Variants in ACY1 observed in about 807,000 individuals in gnomAD.
The protein encoded by ACY1 is aminoacylase 1.
A neutral mutation model predicts 53.3 loss-of-function variants in ACY1; 38 were observed. That is an observed-to-expected ratio of 0.71 (90% CI 0.55 to 0.93). The LOEUF (loss-of-function observed/expected upper bound fraction) is 0.93, where lower values mean the gene tolerates loss of function less well. Among genes scored for constraint, ACY1 ranks in the 40% least tolerant of loss-of-function variants. The pLI, the probability that ACY1 is intolerant of heterozygous loss-of-function variation, is 0.00. For missense variants in ACY1, 484 were observed against 540.9 expected (o/e 0.89, Z 1.04); for synonymous variants, 177 against 202.1 (o/e 0.88, Z 1.05).
intron 2 of ACY1, chr3:51,984,861 C>A: frequency 3.6e-6 from 1 of 274,984 alleles, no homozygotes; most frequent in Non-Finnish European, 6.9e-6. Flanking sequence ...AACTTAGTGG[C>A]TGGGAATTGT....
chr3:51,984,877 T>A, intron 2 of ACY1: 1 of 404,160 alleles, frequency 2.5e-6, no homozygotes, highest in Non-Finnish European at 4.6e-6. Context: ...ATTGTGTACA[T>A]GGGTCCAAAT....
chr3:51,988,412 T>G, intron 12 of ACY1, 112 bp from the exon 13 acceptor site: 1 of 927,740 alleles, frequency 1.1e-6, no homozygotes, highest in East Asian at 2.5e-5. Flanking sequence ...TCTGGGTAGG[T>G]GAAGGAGTGG....
intron 4 of ACY1, 59 bp from the exon 5 acceptor site, chr3:51,985,793 C>A: frequency 6.9e-7 from 1 of 1,443,082 alleles, no homozygotes; most frequent in Non-Finnish European, 9.6e-7. Flanking sequence ...CACTGTTGAC[C>A]AGAGTGGATT....
intron 1 of ACY1, 52 bp downstream of exon 1, chr3:51,983,641 C>T (rs938397465): frequency 3.7e-6 from 1 of 269,268 alleles, no homozygotes; most frequent in African/African-American, 2.3e-5. Context: ...GCTTGAAAGC[C>T]GGGCAACTGG....
chr3:51,985,849 C>T lies in ACY1; in HGVS notation c.265-3C>T. 6.2e-7 allele frequency: 1 copy of T among 1,613,102 alleles called. No homozygotes were observed. Among genetic ancestry groups the T allele is most frequent in the South Asian group, 1.1e-5 (1 of 90,746 alleles). ...GGGCCCCTCTTCCCATCCCTGCCCC[C>T]AGGAACATTGGAGTCACGACCCCTT... On this transcript the variant is annotated splice_polypyrimidine_tract_variant and splice_region_variant and intron_variant, in intron 4 of 14. Coordinates refer to ENST00000636358, the MANE Select transcript of ACY1 (RefSeq NM_000666.3).
At chr3:51,986,525 A>G (rs1177643109) in intron 7 of ACY1, 21 bp downstream of exon 7, 3 of 1,614,034 alleles carry the variant, frequency 1.9e-6, no homozygotes, top group Non-Finnish European at 1.7e-6. Flanking sequence ...TGGCAAGCCA[A>G]TGAGCAGCCA....
intron 12 of ACY1, 179 bp downstream of exon 12, chr3:51,987,803 G>A (rs1701128140): frequency 1.5e-6 from 1 of 674,360 alleles, no homozygotes. Flanking sequence ...GGGGAATGCT[G>A]TGGGGAGTAA....
Position 51,986,651 on chromosome 3 carries a change from G to A in ACY1, c.573G>A (p.Arg191=). ...TDAFTVFYSE[R]SPWWVRVTST... is the part of the protein sequence containing the mutation. ...CCTTCACTGTCTTTTATAGTGAGCG[G>A]AGTCCCTGGTGTAAGTATGAGCTTG... is the stretch of plus-strand genomic sequence containing the variant. Residue 191 remains arginine, a synonymous_variant, in exon 8 of 15, where the codon CGG becomes CGA. Transcript: ENST00000636358. 1 of 1,614,014 alleles carries A rather than the reference G, an allele frequency of 6.2e-7. No individual in the cohort carries two copies. Among genetic ancestry groups the A allele is most frequent in the Non-Finnish European group, 8.5e-7 (1 of 1,180,018 alleles).
chr3:51,987,627 A>C lies in ACY1; in HGVS notation c.921+3A>C, dbSNP rs200621975. 9.3e-6 allele frequency: 15 copies of C among 1,613,852 alleles called. No homozygotes were observed. In the East Asian group the frequency reaches 3.3e-4, roughly 36 times the overall value. On this transcript the variant is annotated splice_donor_region_variant and intron_variant, in intron 12 of 14. Coordinates refer to ENST00000636358, the MANE Select transcript of ACY1 (RefSeq NM_000666.3). ...GGGTCACCCTAGAGTTTGCTCAGGT[A>C]TGGACTTGGGACATGTGATGGGAGA...
At chr3:51,988,309 C>G in intron 12 of ACY1, 1 of 632,028 alleles carries the variant, frequency 1.6e-6, no homozygotes, top group Non-Finnish European at 2.9e-6. Context: ...GAAGGATGGA[C>G]AGGAGGTAAG....
At position 51,988,910 on chromosome 3, in the gene ACY1, G is replaced by A. The variant is rs143678651; in HGVS notation, c.1063-1G>A. 55 of 1,614,206 alleles carry A rather than the reference G, an allele frequency of 3.4e-5. No individual in the cohort carries two copies. The East Asian group carries it at 1.2e-3, about 34-fold the overall frequency. ...CTAACGGCTCTTCCTCACCCCTGCA[G>A]GTGGGGGTCCCAGCTCTAGGCTTCT... is the stretch of plus-strand genomic sequence containing the variant. On this transcript the variant is annotated splice_acceptor_variant, in intron 14 of 14. Coordinates refer to ENST00000636358, the MANE Select transcript of ACY1 (RefSeq NM_000666.3). LOFTEE classifies it high-confidence loss of function.
At chr3:51,986,787 C>A in intron 8 of ACY1, 126 bp downstream of exon 8, 1 of 1,347,716 alleles carries the variant, frequency 7.4e-7, no homozygotes, top group Non-Finnish European at 1.0e-6. Flanking sequence ...AGGGCCTCTA[C>A]CTCCCAGCTC....
intron 2 of ACY1, chr3:51,984,487 G>A (rs1239540066): frequency 4.5e-6 from 2 of 441,916 alleles, no homozygotes; most frequent in Admixed American, 6.9e-5. Context: ...AGCCCACTGG[G>A]GCTGGACAAA....
At chr3:51,985,331 C>G (rs778766008) in intron 3 of ACY1, 30 bp from the exon 4 acceptor site, 1 of 1,613,988 alleles carries the variant, frequency 6.2e-7, no homozygotes, top group Non-Finnish European at 8.5e-7. Context: ...TCACCCTGCT[C>G]AGACCACCTA....
At chr3:51,987,111 G>C (rs1364001241) in intron 9 of ACY1, 36 bp from the exon 10 acceptor site, 2 of 1,614,062 alleles carry the variant, frequency 1.2e-6, no homozygotes, top group Non-Finnish European at 1.7e-6. Flanking sequence ...GCTCTATCCT[G>C]AGGCCACTGT....
intron 5 of ACY1, 128 bp from the exon 6 acceptor site, chr3:51,986,127 T>G: frequency 9.0e-7 from 1 of 1,113,146 alleles, no homozygotes; most frequent in Non-Finnish European, 1.3e-6. Context: ...GGCAGGGACT[T>G]TCTGGAGTCC....
intron 12 of ACY1, chr3:51,988,054 C>G (rs1345675145): frequency 6.5e-6 from 2 of 308,552 alleles, no homozygotes; most frequent in East Asian, 1.7e-4. Flanking sequence ...TTAGTAGAGA[C>G]AGTGTTTCAC....
Position 51,986,624 on chromosome 3 carries a change from T to C in ACY1, c.546T>C (p.Asp182=). 1 of 1,614,194 alleles carries C rather than the reference T, an allele frequency of 6.2e-7. No homozygotes were observed. Among genetic ancestry groups the C allele is most frequent in the Non-Finnish European group, 8.5e-7 (1 of 1,180,032 alleles). The change falls in exon 8 of 15, where the codon GAT becomes GAC. Residue 182 remains aspartate (D), a synonymous_variant. Coordinates refer to ENST00000636358, the MANE Select transcript of ACY1 (RefSeq NM_000666.3). ...CCTCAGGCATAGCCAATCCCACTGA[T>C]GCCTTCACTGTCTTTTATAGTGAGC... is the stretch of plus-strand genomic sequence containing the variant. The part of the protein sequence containing the change: ...ALDEGIANPT[D]AFTVFYSERS...
At chr3:51,984,376 AC>A (rs1276118929) in intron 2 of ACY1, 5 of 611,470 alleles carry the variant, frequency 8.2e-6, no homozygotes, top group Non-Finnish European at 1.5e-5. Flanking sequence ...GACCAAGGTT[AC>A]TCCTGGCAGC....
Sources: gnomAD v4.1 joint callset for allele counts on GRCh38, gnomAD v4.1.1 for gene constraint, MANE v1.5 for transcripts, NCBI Gene and HGNC (gene_info 2026-07-23, HGNC 2026-07-21) for gene names.